FOXRED2: variants seen among roughly 807,000 people sequenced by gnomAD.
The protein encoded by FOXRED2 is FAD-dependent oxidoreductase domain-containing protein 2.
In FOXRED2, 32 loss-of-function variants were observed where a neutral mutation model predicts 52.5. The ratio of observed to expected loss-of-function variants is 0.61; its 90% CI spans 0.46 to 0.82. The LOEUF is 0.82. FOXRED2 is among the 40% of genes least tolerant of loss of function. The pLI is 0.00. For synonymous variants in FOXRED2, 405 were observed against 398.1 expected, an observed-to-expected ratio of 1.02 and a Z score of -0.21; for missense variants, 848 against 937.5, an observed-to-expected ratio of 0.90 and a Z score of 1.25.
At chr22:36,506,503 G>A (rs1934205017) in intron 1 of FOXRED2, 80 bp from the exon 2 acceptor site, 1 of 1,318,992 alleles carries the variant, frequency 7.6e-7, no homozygotes, top group Non-Finnish European at 1.0e-6. Context: ...GGCGGGGCCT[G>A]CGGGAACTCT....
intron 3 of FOXRED2, 24 bp downstream of exon 3, chr22:36,504,491 C>A: frequency 6.2e-7 from 1 of 1,613,562 alleles, no homozygotes; most frequent in Non-Finnish European, 8.5e-7. Flanking sequence ...CAGCACAGAA[C>A]ACACATGCGG....
chr22:36,498,245 G>A (rs1933956629), intron 5 of FOXRED2, 89 bp from the exon 6 acceptor site: 3 of 1,467,872 alleles, frequency 2.0e-6, no homozygotes, highest in South Asian at 1.3e-5. Flanking sequence ...ATTGACCCCT[G>A]AGAACGCCAT....
chr22:36,504,330 T>C lies in FOXRED2; in HGVS notation c.817A>G (p.Lys273Glu), dbSNP rs1269593879. ...GACTCGAGCAGCCCGTCCAGGGACT[T>C]GAGCTGGTAGGTATCCAGCAGGCCA... ...NNGLLDTYQLKSLDGLLESDL... is the reference protein window; with the variant it reads ...NNGLLDTYQLESLDGLLESDL... Residue 273 changes from lysine to glutamate, a missense_variant, in exon 4 of 9, where the codon AAG becomes GAG. By Grantham distance (56) the Lys-to-Glu change is moderately conservative. Coordinates refer to ENST00000397224, the MANE Select transcript of FOXRED2 (RefSeq NM_001102371.2). The C allele has an allele frequency of 6.2e-7, 1 of 1,614,022 alleles. No individual in the cohort carries two copies. Among genetic ancestry groups the C allele is most frequent in the East Asian group, 2.2e-5 (1 of 44,866 alleles).
At chr22:36,493,274 C>A (rs572217982) in intron 8 of FOXRED2, among the ~76,000 whole-genome samples, 5 of 152,084 alleles carry the variant, frequency 3.3e-5, no homozygotes, top group South Asian at 4.1e-4. Flanking sequence ...CCCATCTCTA[C>A]TAAAAAATAA....
chr22:36,500,010 A>C (rs1346506191), intron 5 of FOXRED2, among the ~76,000 whole-genome samples: 2 of 152,134 alleles, frequency 1.3e-5, no homozygotes, highest in African/African-American at 4.8e-5. Context: ...CATACTGGCC[A>C]GGCTGGTCTC....
At chr22:36,506,723 T>G in intron 1 of FOXRED2, 1 of 340,202 alleles carries the variant, frequency 2.9e-6, no homozygotes, top group Non-Finnish European at 5.3e-6. Flanking sequence ...ACTCCCCAAT[T>G]TTCCCCTAAT....
At position 36,490,206 on chromosome 22, in the gene FOXRED2, G is replaced by T; in HGVS notation, c.1857C>A (p.Tyr619Ter). Residue 619 changes from tyrosine to a stop codon, truncating the protein, a stop_gained, in exon 9 of 9, where the codon TAC (tyrosine) becomes TAA (stop). Coordinates refer to ENST00000397224, the MANE Select transcript of FOXRED2 (RefSeq NM_001102371.2). LOFTEE classifies it low-confidence loss of function (END_TRUNC). ...TACTCACGAGTCCCTGCATCCTCAGGTACCCCTGCTGGCAAAAGGGTGGCA... is the reference window on the plus strand; with the variant it reads ...TACTCACGAGTCCCTGCATCCTCAGTTACCCCTGCTGGCAAAAGGGTGGCA... ...QKLPPFCQQGYLRMQGLVSTE... is the reference protein window; with the variant it reads ...QKLPPFCQQG 1 of 1,613,802 alleles carries T rather than the reference G, an allele frequency of 6.2e-7. No individual in the cohort carries two copies. The highest frequency in any genetic ancestry group is 8.5e-7 in the Non-Finnish European group (1 of 1,179,754).
chr22:36,504,352 GC>G lies in FOXRED2; in HGVS notation c.794del (p.Gly265AlafsTer19), dbSNP rs763910479. On this transcript the variant is annotated frameshift_variant, in exon 4 of 9. Transcript: ENST00000397224. LOFTEE classifies it high-confidence loss of function. Reference protein sequence around the residue: ...YVGDLRAINNGLLDTYQLKSL... With the variant: ...YVGDLRAINNXLLDTYQLKSL... Reference sequence around the variant, plus strand: ...ACTTGAGCTGGTAGGTATCCAGCAGGCCATTGTTGATGGCTCTGAGCCCACA... The same window carrying G: ...ACTTGAGCTGGTAGGTATCCAGCAGGCATTGTTGATGGCTCTGAGCCCACA... 1 of 1,614,112 alleles carries G rather than the reference GC, an allele frequency of 6.2e-7. No individual in the cohort carries two copies. Among genetic ancestry groups the G allele is most frequent in the East Asian group, 2.2e-5 (1 of 44,874 alleles).
At chr22:36,503,814 C>T (rs1049769894) in intron 4 of FOXRED2, among the ~76,000 whole-genome samples, 1 of 152,230 alleles carries the variant, frequency 6.6e-6, no homozygotes, top group African/African-American at 2.4e-5. Flanking sequence ...GCAAATTCCC[C>T]TCTGTATTCT....
intron 1 of FOXRED2, 168 bp from the exon 2 acceptor site, chr22:36,506,591 G>A (rs1027707787): frequency 1.6e-6 from 1 of 608,214 alleles, no homozygotes. Flanking sequence ...TTTCAAGCTG[G>A]GACTTGGGGC....
Position 36,503,955 on chromosome 22 carries a change from G to A in FOXRED2, c.1049+143C>T. ...ATGGTCAGAGCTCATGTCCTGGAGG[G>A]AAATCAGGCAGCACTCACATCCATT... On this transcript the variant is annotated intron_variant, in intron 4 of 8. Transcript: ENST00000397224. The A allele has an allele frequency of 3.1e-6, 3 of 958,370 alleles. No individual in the cohort carries two copies. In the South Asian group the frequency reaches 4.7e-5, roughly 15 times the overall value. 59.4% of individuals were successfully genotyped at this position (958,370 alleles called of 1,614,324 possible). A position where few individuals can be genotyped will look rare whatever the true frequency, so the allele number is the denominator to read the frequency against.
At chr22:36,496,276 T>G (rs1603494142) in intron 6 of FOXRED2, 68 bp from the exon 7 acceptor site, 2 of 1,586,738 alleles carry the variant, frequency 1.3e-6, no homozygotes, top group East Asian at 2.2e-5. Flanking sequence ...AGCCCGGGGG[T>G]GAGCATGTGT....
At chr22:36,504,868 C>A in intron 2 of FOXRED2, 102 bp from the exon 3 acceptor site, 4 of 1,233,234 alleles carry the variant, frequency 3.2e-6, no homozygotes, top group East Asian at 2.5e-5. Context: ...CTGGCTCCAA[C>A]CGCCGGCCCC....
In FOXRED2 at chr22:36,496,337, C is replaced by G. The variant is rs1438959771; in HGVS notation, c.1383-129G>C. 2.7e-6 allele frequency: 3 copies of G among 1,120,972 alleles called. No individual in the cohort carries two copies. The African/African-American group carries it at 4.6e-5, about 17-fold the overall frequency. The allele number at this position is 1,120,972 out of a possible 1,614,324, so 69.4% of individuals were successfully genotyped here. A position where few individuals can be genotyped will look rare whatever the true frequency, so the allele number is the denominator to read the frequency against. On this transcript the variant is annotated intron_variant, in intron 6 of 8. Transcript: ENST00000397224. ...AGGAGCGTCAATCAAGCAGCACACC[C>G]CTCACTTAACATTACTTTTTCAGCT...
At chr22:36,490,302 C>A in intron 8 of FOXRED2, 35 bp from the exon 9 acceptor site, 1 of 1,555,220 alleles carries the variant, frequency 6.4e-7, no homozygotes, top group South Asian at 1.2e-5. Flanking sequence ...ATGAGCCAGG[C>A]TGGGACATGT....
rs928849614 is a variant in FOXRED2, at chr22:36,493,720, C to T, written c.1708G>A (p.Asp570Asn). 3.1e-6 allele frequency: 5 copies of T among 1,614,110 alleles called. No homozygotes were observed. The African/African-American group carries it at 5.3e-5, about 17-fold the overall frequency. Residue 570 changes from aspartate (D) to asparagine (N), a missense_variant, in exon 8 of 9, where the codon GAC (aspartate) becomes AAC (asparagine). Physicochemically the swap from Asp to Asn is conservative, Grantham distance 23. Coordinates refer to ENST00000397224, the MANE Select transcript of FOXRED2 (RefSeq NM_001102371.2). ...IHHIVEDFLT[D>N]WTAPIGHILP... ...ATGTGCCCGATCGGGGCAGTCCAGT[C>T]TGTTAAGAAGTCTTCCACGATGTGA...
intron 2 of FOXRED2, among the ~76,000 whole-genome samples, 157 bp downstream of exon 2, chr22:36,505,739 C>T (rs1166669415): frequency 6.6e-6 from 1 of 151,900 alleles, no homozygotes; most frequent in East Asian, 1.9e-4. Context: ...CCATTGCACT[C>T]CAGCCTGGGC....
At position 36,487,803 on chromosome 22, in the gene FOXRED2, TG is replaced by T. The variant is rs1933643592; in HGVS notation, c.*2204del. 6.6e-6 allele frequency: 1 copy of T among 152,234 alleles called. No individual in the cohort carries two copies. Among genetic ancestry groups the T allele is most frequent in the African/African-American group, 2.4e-5 (1 of 41,442 alleles). The allele number at this position is 152,234 out of a possible 1,614,324, so 9.4% of individuals were successfully genotyped here. A position where few individuals can be genotyped will look rare whatever the true frequency, so the allele number is the denominator to read the frequency against. ...AGTGGGGCCAGGTAGTTAAAAAGTC[TG>T]GACTGGGCCGAGCGTGGTGGCTCAT... On this transcript the variant is annotated 3_prime_UTR_variant, in exon 9 of 9. Transcript: ENST00000397224.
rs183470052 is a variant in FOXRED2 at position 36,494,958 on chromosome 22, T to G, written c.1624+1009A>C. Among the ~76,000 whole-genome samples, 405 of 151,858 alleles carry G rather than the reference T, an allele frequency of 2.7e-3. 4 individuals carry two copies. The highest frequency in any genetic ancestry group is 6.6e-3 in the African/African-American group (274 of 41,410). ...GGCCTTTTTGTTTGTTTGTTTGTTT[T>G]TTTTGAGACAGAGTCTTGCTCTGTA... On this transcript the variant is annotated intron_variant, in intron 7 of 8. Coordinates refer to ENST00000397224, the MANE Select transcript of FOXRED2 (RefSeq NM_001102371.2).
Sources: gnomAD v4.1 joint callset for allele counts (sites outside exome capture counted in the v4.1 genomes callset) on GRCh38, gnomAD v4.1.1 for gene constraint, MANE v1.5 for transcripts, NCBI Gene and HGNC (gene_info 2026-07-23, HGNC 2026-07-21) for gene names.